Variants in IMMP2L observed in about 807,000 individuals in gnomAD.
IMMP2L encodes inner mitochondrial membrane peptidase subunit 2.
In IMMP2L, 18 loss-of-function variants were observed where a neutral mutation model predicts 19.3. That is an observed-to-expected ratio of 0.93 (90% CI 0.64 to 1.38). IMMP2L has a LOEUF of 1.38. Among genes scored for constraint, IMMP2L ranks in the 40% most tolerant of loss-of-function variants. The pLI is 0.00. For missense variants in IMMP2L, 233 were observed against 218.2 expected (o/e 1.07, Z -0.43); for synonymous variants, 76 against 73.0 (o/e 1.04, Z -0.21).
intron 3 of IMMP2L, among the ~76,000 whole-genome samples, chr7:111,397,577 CAATATT>C (rs1441719414): frequency 1.3e-5 from 2 of 152,122 alleles, no homozygotes; most frequent in Admixed American, 1.3e-4. Flanking sequence ...AAGAAACCAT[CAATATT>C]GTGTTGCTGG....
At chr7:111,341,234 G>A (rs1438165535) in intron 3 of IMMP2L, among the ~76,000 whole-genome samples, 1 of 151,874 alleles carries the variant, frequency 6.6e-6, no homozygotes, top group East Asian at 1.9e-4. Context: ...GATAATTCTG[G>A]TAGCCAATAC....
chr7:111,227,956 G>C (rs1175911251), intron 3 of IMMP2L, among the ~76,000 whole-genome samples: 1 of 151,990 alleles, frequency 6.6e-6, no homozygotes, highest in Non-Finnish European at 1.5e-5. Flanking sequence ...AGTTGTATTT[G>C]TTACAGAACC....
chr7:111,375,819 C>T (rs1448060071), intron 3 of IMMP2L, among the ~76,000 whole-genome samples: 2 of 151,990 alleles, frequency 1.3e-5, no homozygotes, highest in African/African-American at 2.4e-5. Flanking sequence ...CCACCAGGCC[C>T]GGCCAAAAGT....
rs560017095 is a variant in IMMP2L at position 111,148,240 on chromosome 7, G to T, written c.240-184675C>A. ...GAATCTTGAAAACATTATGCTAACT[G>T]AAAGAATCCACTCACAATAAGTTAA... On this transcript the variant is annotated intron_variant, in intron 3 of 5. Transcript: ENST00000405709. 1.3e-4 allele frequency among the ~76,000 whole-genome samples: 20 copies of T among 152,168 alleles called. No homozygotes were observed. The South Asian group carries it at 3.9e-3, about 30-fold the overall frequency.
chr7:111,259,654 C>T (rs1817100001), intron 3 of IMMP2L, among the ~76,000 whole-genome samples: 1 of 150,312 alleles, frequency 6.7e-6, no homozygotes, highest in Non-Finnish European at 1.5e-5. Flanking sequence ...AATTTTAAAA[C>T]AATAATAATA....
At chr7:111,101,559 C>T (rs1797978177) in intron 3 of IMMP2L, among the ~76,000 whole-genome samples, 2 of 151,258 alleles carry the variant, frequency 1.3e-5, no homozygotes, top group African/African-American at 2.4e-5. Flanking sequence ...AAAAAAATTA[C>T]TTGAGACAAT....
intron 3 of IMMP2L, among the ~76,000 whole-genome samples, chr7:110,979,858 T>A (rs1202150388): frequency 6.6e-6 from 1 of 152,154 alleles, no homozygotes; most frequent in African/African-American, 2.4e-5. Flanking sequence ...ATGTTAATAG[T>A]CACACAGCTT....
chr7:111,079,008 T>C (rs1795653035), intron 3 of IMMP2L, among the ~76,000 whole-genome samples: 1 of 151,946 alleles, frequency 6.6e-6, no homozygotes, highest in Non-Finnish European at 1.5e-5. Context: ...GGGATTACAT[T>C]GTGGTATTTT....
At chr7:111,107,929 C>T (rs1335520814) in intron 3 of IMMP2L, among the ~76,000 whole-genome samples, 3 of 152,132 alleles carry the variant, frequency 2.0e-5, no homozygotes, top group Admixed American at 6.5e-5. Context: ...TAGAGTTCTG[C>T]TGAAATTTTG....
In IMMP2L at chr7:110,760,582, G is replaced by C. The variant is rs1798292452; in HGVS notation, c.409-96861C>G. ...AGGAGGGCAACTGCTGGGAAGGAATGAAGTTCCTAGAAGATACCAATCCAT... is the reference window on the plus strand; with the variant it reads ...AGGAGGGCAACTGCTGGGAAGGAATCAAGTTCCTAGAAGATACCAATCCAT... On this transcript the variant is annotated intron_variant, in intron 5 of 5. Coordinates refer to ENST00000405709, the MANE Select transcript of IMMP2L (RefSeq NM_032549.4). This position sits in a 1 kb window ranked among gnomAD's most constrained non-coding sequence, Gnocchi z 4.2. 6.6e-6 allele frequency among the ~76,000 whole-genome samples: 1 copy of C among 152,140 alleles called. No individual in the cohort carries two copies. The highest frequency in any genetic ancestry group is 2.1e-4 in the South Asian group (1 of 4,834).
intron 3 of IMMP2L, among the ~76,000 whole-genome samples, chr7:111,118,058 C>T (rs1800106812): frequency 6.6e-6 from 1 of 152,104 alleles, no homozygotes. Flanking sequence ...ATTCATGTTG[C>T]TCCTTTTGGA....
chr7:110,715,578 GGGAGATCTTCTT>G (rs1795182462), intron 5 of IMMP2L, among the ~76,000 whole-genome samples: 1 of 152,086 alleles, frequency 6.6e-6, no homozygotes, highest in Non-Finnish European at 1.5e-5. Context: ...TTGTCATTTT[GGGAGATCTTCTT>G]GGTACTGATT....
rs547404113 is a variant in IMMP2L, at chr7:110,959,109, G to A, written c.305+4391C>T. Among the ~76,000 whole-genome samples the A allele has an allele frequency of 2.0e-5, 3 of 151,864 alleles. No individual in the cohort carries two copies. In the South Asian group the frequency reaches 6.2e-4, roughly 32 times the overall value. On this transcript the variant is annotated intron_variant, in intron 4 of 5. Transcript: ENST00000405709. ...TAATCCTTCAATTAATCCTTCAAGG[G>A]GTCTAACCTCAAATACTACTGAAAC...
chr7:111,544,863 A>C (rs1848780232), intron 1 of IMMP2L, among the ~76,000 whole-genome samples: 1 of 152,060 alleles, frequency 6.6e-6, no homozygotes, highest in African/African-American at 2.4e-5. Flanking sequence ...GGCAAGAAAC[A>C]AAACAGGCAG....
At chr7:111,329,862 C>A (rs1259280391) in intron 3 of IMMP2L, among the ~76,000 whole-genome samples, 1 of 151,586 alleles carries the variant, frequency 6.6e-6, no homozygotes, top group African/African-American at 2.4e-5. Flanking sequence ...AATGTTAAGC[C>A]ATCCCAACAT....
rs58982346 is a variant in IMMP2L at position 110,939,388 on chromosome 7, C to CAAAA, written c.305+24108_305+24111dup. On this transcript the variant is annotated intron_variant, in intron 4 of 5. Coordinates refer to ENST00000405709, the MANE Select transcript of IMMP2L (RefSeq NM_032549.4). ...AAACCATTGATCTAATGCAAAATTG[C>CAAAA]AAAAAAAAAAAAAAAAATCAGTTGT... Among the ~76,000 whole-genome samples, 981 of 125,564 alleles carry CAAAA rather than the reference C, an allele frequency of 7.8e-3. 11 individuals carry two copies. The highest frequency in any genetic ancestry group is 0.012 in the Middle Eastern group (3 of 250). The allele number at this position is 125,564 out of a possible 152,430, so 82.4% of individuals were successfully genotyped here. A position where few individuals can be genotyped will look rare whatever the true frequency, so the allele number is the denominator to read the frequency against.
intron 5 of IMMP2L, among the ~76,000 whole-genome samples, chr7:110,683,986 C>T (rs996964135): frequency 2.6e-5 from 4 of 152,112 alleles, no homozygotes; most frequent in African/African-American, 4.8e-5. Context: ...CTTTGTAAGA[C>T]ATTTGAATTT....
At chr7:110,673,054 G>T (rs916791138) in intron 5 of IMMP2L, among the ~76,000 whole-genome samples, 5 of 152,198 alleles carry the variant, frequency 3.3e-5, no homozygotes, top group Non-Finnish European at 2.9e-5. Context: ...CCCTAGCAGA[G>T]GCTCTTCATG....
At chr7:111,234,368 G>A (rs1029176492) in intron 3 of IMMP2L, among the ~76,000 whole-genome samples, 4 of 151,984 alleles carry the variant, frequency 2.6e-5, no homozygotes, top group Non-Finnish European at 4.4e-5. Flanking sequence ...TGTCTACTCT[G>A]TCCATCAATT....
Sources: allele counts gnomAD v4.1 joint callset (sites outside exome capture counted in the v4.1 genomes callset), GRCh38; gene constraint gnomAD v4.1.1; non-coding constraint Gnocchi (gnomAD v3.1); transcripts MANE v1.5; gene names NCBI Gene and HGNC (gene_info 2026-07-23, HGNC 2026-07-21).